RAD51B: variants seen among roughly 807,000 people sequenced by gnomAD.
RAD51B encodes DNA repair protein RAD51 homolog 2.
A neutral mutation model predicts 42.2 loss-of-function variants in RAD51B; 38 were observed. That is an observed-to-expected ratio of 0.90 (90% CI 0.70 to 1.18). The LOEUF (loss-of-function observed/expected upper bound fraction) is 1.18. RAD51B is among the 50% of genes most tolerant of loss of function. RAD51B has a pLI of 0.00. For synonymous variants in RAD51B, 154 were observed against 145.2 expected (o/e 1.06, Z -0.43); for missense variants, 373 against 400.7 (o/e 0.93, Z 0.59).
intron 7 of RAD51B, among the ~76,000 whole-genome samples, chr14:68,067,473 A>ACAAC (rs1423213118): frequency 2.0e-5 from 3 of 150,310 alleles, no homozygotes; most frequent in African/African-American, 7.4e-5. Flanking sequence ...CGGAAAAAAA[A>ACAAC]AAACAAAAAA....
At chr14:68,295,428 C>T (rs148805207) in intron 8 of RAD51B, among the ~76,000 whole-genome samples, 167 of 152,278 alleles carry the variant, frequency 1.1e-3, no homozygotes, top group African/African-American at 3.8e-3. Flanking sequence ...GCTGGTCAGC[C>T]GAGATTAAAG....
At chr14:67,840,091 G>A (rs1031415233) in intron 4 of RAD51B, among the ~76,000 whole-genome samples, 18 of 152,040 alleles carry the variant, frequency 1.2e-4, no homozygotes, top group African/African-American at 9.7e-5. Context: ...AATGTTGCAC[G>A]TGTGCTTGAA....
At chr14:68,272,964 G>A (rs1052385496) in intron 7 of RAD51B, among the ~76,000 whole-genome samples, 30 of 151,732 alleles carry the variant, frequency 2.0e-4, no homozygotes, top group Admixed American at 4.6e-4. Flanking sequence ...GATTACAGGC[G>A]TGAGCCACTG....
chr14:68,030,480 G>C (rs1471901549), intron 7 of RAD51B, among the ~76,000 whole-genome samples: 2 of 152,098 alleles, frequency 1.3e-5, no homozygotes, highest in East Asian at 3.8e-4. Context: ...ACCTCATGAA[G>C]CAACCTTTGC....
intron 7 of RAD51B, among the ~76,000 whole-genome samples, chr14:68,276,591 G>C: frequency 6.6e-6 from 1 of 152,088 alleles, no homozygotes; most frequent in East Asian, 1.9e-4. Context: ...GAGTCTGTCA[G>C]TCACATGTTG....
At chr14:68,168,155 A>AT (rs907310476) in intron 7 of RAD51B, among the ~76,000 whole-genome samples, 1 of 152,130 alleles carries the variant, frequency 6.6e-6, no homozygotes, top group Non-Finnish European at 1.5e-5. Flanking sequence ...AGATACTCAG[A>AT]TAGGAAGAGG....
In RAD51B at chr14:68,565,909, G is replaced by A. The variant is rs570094746; in HGVS notation, c.1037-28576G>A. On this transcript the variant is annotated intron_variant, in intron 10 of 10. Transcript: ENST00000487270. This position sits in a 1 kb window ranked among gnomAD's most constrained non-coding sequence, Gnocchi z 4.1. Reference sequence around the variant, plus strand: ...GTGTCTGGCCACTCTCATCCCCGCCGGGCTCCAATGTGGCCACAAGCCACT... The same window carrying A: ...GTGTCTGGCCACTCTCATCCCCGCCAGGCTCCAATGTGGCCACAAGCCACT... Among the ~76,000 whole-genome samples the A allele has an allele frequency of 1.1e-4, 16 of 152,228 alleles. No individual in the cohort carries two copies. The highest frequency in any genetic ancestry group is 1.6e-4 in the Non-Finnish European group (11 of 68,012).
intron 7 of RAD51B, among the ~76,000 whole-genome samples, chr14:68,079,523 C>A (rs573210692): frequency 1.3e-5 from 2 of 152,048 alleles, no homozygotes; most frequent in Non-Finnish European, 2.9e-5. Context: ...TGGTATTTTT[C>A]CCTTTATTAT....
chr14:68,581,772 G>A (rs1442688354), intron 10 of RAD51B, among the ~76,000 whole-genome samples: 10 of 152,172 alleles, frequency 6.6e-5, no homozygotes, highest in South Asian at 2.1e-4. Flanking sequence ...ACAAGCTTAC[G>A]GTAACCAAAA....
chr14:68,533,206 T>C lies in RAD51B; in HGVS notation c.1037-61279T>C, dbSNP rs544618678. On this transcript the variant is annotated intron_variant, in intron 10 of 10. Transcript: ENST00000487270. ...TTATTATAAATAATAAGAGATTTCA[T>C]TGAGTTTGCTGAATACAACATCCAT... Among the ~76,000 whole-genome samples, 13 of 152,338 alleles carry C rather than the reference T, an allele frequency of 8.5e-5. No individual in the cohort carries two copies. The South Asian group carries it at 2.5e-3, about 29-fold the overall frequency.
chr14:68,331,515 C>T (rs2082352222), intron 8 of RAD51B, among the ~76,000 whole-genome samples: 1 of 151,496 alleles, frequency 6.6e-6, no homozygotes. Context: ...TTGAGTTCTA[C>T]TATGTGGCAA....
downstream of RAD51B, among the ~76,000 whole-genome samples, chr14:68,480,706 G>A (rs1883110295): frequency 6.6e-6 from 1 of 151,732 alleles, no homozygotes; most frequent in Non-Finnish European, 1.5e-5. Context: ...GACTAAATCT[G>A]GCTTTAAGGT....
At chr14:68,230,886 A>G (rs1464291206) in intron 7 of RAD51B, among the ~76,000 whole-genome samples, 1 of 152,196 alleles carries the variant, frequency 6.6e-6, no homozygotes, top group East Asian at 1.9e-4. Context: ...GATGTGAGAA[A>G]AATTACTATC....
intron 9 of RAD51B, among the ~76,000 whole-genome samples, chr14:68,425,881 C>T (rs771845442): frequency 3.2e-4 from 49 of 152,138 alleles, no homozygotes; most frequent in Non-Finnish European, 6.2e-4. Flanking sequence ...TTAGAGATTA[C>T]ATAAGTGATT....
At chr14:68,207,239 T>TAA in intron 7 of RAD51B, among the ~76,000 whole-genome samples, 1 of 152,238 alleles carries the variant, frequency 6.6e-6, no homozygotes, top group South Asian at 2.1e-4. Flanking sequence ...CATATATATA[T>TAA]AAATACACAC....
At chr14:67,949,048 T>C (rs765101803) in intron 7 of RAD51B, among the ~76,000 whole-genome samples, 1 of 151,352 alleles carries the variant, frequency 6.6e-6, no homozygotes, top group Non-Finnish European at 1.5e-5. Flanking sequence ...TTTTTGCTGG[T>C]GGAGGGTCCC....
chr14:68,610,814 T>TTCCC (rs1000859473), intron 10 of RAD51B, among the ~76,000 whole-genome samples: 10 of 150,652 alleles, frequency 6.6e-5, no homozygotes, highest in African/African-American at 2.4e-4. Context: ...ATACTGTTCA[T>TTCCC]TCCCTATTAT....
intron 9 of RAD51B, among the ~76,000 whole-genome samples, chr14:68,464,161 T>C (rs1039183223): frequency 6.6e-6 from 1 of 152,208 alleles, no homozygotes; most frequent in Non-Finnish European, 1.5e-5. Context: ...TTTGATATCA[T>C]GTTTATCTGA....
intron 7 of RAD51B, among the ~76,000 whole-genome samples, chr14:68,212,568 G>C (rs530786565): frequency 1.3e-5 from 2 of 152,304 alleles, no homozygotes; most frequent in East Asian, 3.9e-4. Flanking sequence ...ACAGCACTGG[G>C]TAGTGACAGA....
Sources: gnomAD v4.1 joint callset for allele counts (sites outside exome capture counted in the v4.1 genomes callset) on GRCh38, gnomAD v4.1.1 for gene constraint, Gnocchi (gnomAD v3.1) non-coding constraint, MANE v1.5 for transcripts, NCBI Gene and HGNC (gene_info 2026-07-23, HGNC 2026-07-21) for gene names.